The following P2RX7 variants were observed in gnomAD, a reference collection of about 807,000 sequenced individuals.
The protein encoded by P2RX7 is purinergic receptor P2X 7.
Under a neutral mutation model 71.6 loss-of-function variants are expected in P2RX7, and 62 were observed. That is an observed-to-expected ratio of 0.87 (90% CI 0.71 to 1.07). The LOEUF (loss-of-function observed/expected upper bound fraction) is 1.07, where lower values mean the gene tolerates loss of function less well. Ranked by LOEUF, P2RX7 falls within the 50% of genes least tolerant of loss-of-function variation. The pLI is 0.00. For synonymous variants in P2RX7, 299 were observed against 283.3 expected (o/e 1.06, Z -0.56); for missense variants, 686 against 748.5 (o/e 0.92, Z 0.97).
intron 7 of P2RX7, among the ~76,000 whole-genome samples, chr12:121,166,983 C>T (rs1881181091): frequency 6.7e-6 from 1 of 148,212 alleles, no homozygotes; most frequent in African/African-American, 2.5e-5. Context: ...ACCTGGGAGG[C>T]AGAGGTTGCA....
chr12:121,160,718 G>A (rs1377613265), intron 3 of P2RX7, among the ~76,000 whole-genome samples, 184 bp from the exon 4 acceptor site: 2 of 152,208 alleles, frequency 1.3e-5, no homozygotes, highest in South Asian at 2.1e-4. Context: ...GTGTATGAAT[G>A]TACCACATTT....
chr12:121,174,233 A>G (rs1882709973), intron 8 of P2RX7, among the ~76,000 whole-genome samples: 1 of 151,582 alleles, frequency 6.6e-6, no homozygotes, highest in African/African-American at 2.4e-5. Context: ...TTTTTAGTAG[A>G]GATGGGGTTT....
intron 5 of P2RX7, among the ~76,000 whole-genome samples, chr12:121,162,944 G>A (rs770229753): frequency 2.0e-5 from 3 of 151,754 alleles, no homozygotes; most frequent in Non-Finnish European, 2.9e-5. Context: ...AAGGGGAAGG[G>A]GAGGAAAAAG....
chr12:121,154,860 G>A lies in P2RX7; in HGVS notation c.201G>A (p.Gly67=), dbSNP rs186488525. ...VISSVHTKVK[G]IAEVKEEIVE... ...GTTCTGTGCACACCAAGGTGAAGGG[G>A]ATAGCAGAGGTGAAAGAGGAGATCG... The change falls in exon 2 of 13, where the codon GGG becomes GGA. Residue 67 remains glycine (G), a synonymous_variant. Transcript: ENST00000328963. This position sits in a 1 kb window ranked among gnomAD's most constrained non-coding sequence, Gnocchi z 4.2. 3 of 1,614,228 alleles carry A rather than the reference G, an allele frequency of 1.9e-6. No individual in the cohort carries two copies. The highest frequency in any genetic ancestry group is 3.3e-5 in the Admixed American group (2 of 60,030).
intron 5 of P2RX7, 95 bp downstream of exon 5, chr12:121,162,615 C>A: frequency 6.9e-7 from 1 of 1,446,154 alleles, no homozygotes; most frequent in Non-Finnish European, 9.4e-7. Flanking sequence ...CAGCACAGCC[C>A]TGCAAAGTCC....
chr12:121,167,437 G>C (rs1881313596), intron 7 of P2RX7, 51 bp from the exon 8 acceptor site: 1 of 1,602,634 alleles, frequency 6.2e-7, no homozygotes, highest in Non-Finnish European at 8.5e-7. Context: ...TCTGGCGGTT[G>C]CGTAACTCAC....
chr12:121,173,176 TTTTG>T (rs148833286), intron 8 of P2RX7, among the ~76,000 whole-genome samples: 4,901 of 150,872 alleles, frequency 0.032, 251 homozygotes, highest in African/African-American at 0.11. Context: ...TCAAAGAATA[TTTTG>T]TTTGTTTGTT....
At chr12:121,170,874 A>T (rs1020476044) in intron 8 of P2RX7, among the ~76,000 whole-genome samples, 1 of 152,224 alleles carries the variant, frequency 6.6e-6, no homozygotes, top group Non-Finnish European at 1.5e-5. Context: ...ATTACAGGTT[A>T]TACGAGGTAT....
At chr12:121,178,152 T>C (rs558470208) in intron 11 of P2RX7, among the ~76,000 whole-genome samples, 1 of 152,326 alleles carries the variant, frequency 6.6e-6, no homozygotes, top group South Asian at 2.1e-4. Context: ...CAGTTCTCCA[T>C]ACCTGCCCTA....
chr12:121,155,277 G>T lies in P2RX7; in HGVS notation c.294+324G>T, dbSNP rs375409409. 4.6e-4 allele frequency: 606 copies of T among 1,330,762 alleles called. 5 individuals are homozygous for T. The South Asian group carries it at 7.0e-3, about 15-fold the overall frequency. The allele number at this position is 1,330,762 out of a possible 1,614,324, so 82.4% of individuals were successfully genotyped here. ...CCACCAAGCCAGCAAGGTCTGCCGA[G>T]ATTCAGAAGGACAGAGAACTTTCTA... On this transcript the variant is annotated intron_variant, in intron 2 of 12. Transcript: ENST00000328963.
At chr12:121,162,153 TG>T in intron 4 of P2RX7, 1 of 1,030,454 alleles carries the variant, frequency 9.7e-7, no homozygotes, top group Non-Finnish European at 1.3e-6. Context: ...GCTCCCCTCA[TG>T]GGCACCTTTT....
intron 1 of P2RX7, among the ~76,000 whole-genome samples, chr12:121,136,017 A>ATATATATAT (rs1291059464): frequency 2.2e-4 from 4 of 18,478 alleles, no homozygotes; most frequent in Admixed American, 2.5e-3. Context: ...AAAAAAAAAA[A>ATATATATAT]AAAAAAATAT....
chr12:121,170,639 G>A (rs117606904), intron 8 of P2RX7, among the ~76,000 whole-genome samples: 10,308 of 152,210 alleles, frequency 0.068, 542 homozygotes, highest in Non-Finnish European at 0.097. Flanking sequence ...GCTGGACGTG[G>A]TGACAGGTGC....
At chr12:121,150,793 C>T (rs1877225851) in intron 1 of P2RX7, among the ~76,000 whole-genome samples, 1 of 152,170 alleles carries the variant, frequency 6.6e-6, no homozygotes, top group Non-Finnish European at 1.5e-5. Flanking sequence ...CCTGTAATCC[C>T]AGCTACTTGG....
intron 8 of P2RX7, among the ~76,000 whole-genome samples, chr12:121,173,200 G>A (rs1882511022): frequency 6.6e-6 from 1 of 152,000 alleles, no homozygotes; most frequent in Non-Finnish European, 1.5e-5. Flanking sequence ...TTGTTTGTTT[G>A]TTTGAGAGGC....
chr12:121,164,572 G>A (rs184114721), intron 5 of P2RX7, among the ~76,000 whole-genome samples: 1 of 152,254 alleles, frequency 6.6e-6, no homozygotes, highest in African/African-American at 2.4e-5. Context: ...CTTGAGGTCA[G>A]GAGTTCGATA....
chr12:121,183,797 T>C (rs1001669742), intron 12 of P2RX7, among the ~76,000 whole-genome samples: 1 of 152,000 alleles, frequency 6.6e-6, no homozygotes, highest in Non-Finnish European at 1.5e-5. Context: ...GTGCAGTGGC[T>C]CATGCCTGTA....
chr12:121,177,025 A>C, intron 9 of P2RX7, 122 bp from the exon 10 acceptor site: 2 of 783,686 alleles, frequency 2.6e-6, no homozygotes, highest in Admixed American at 4.3e-5. Context: ...CCAGCACTTG[A>C]ACGCATCTAT....
chr12:121,155,365 C>T (rs138186189), intron 2 of P2RX7: 2 of 1,294,574 alleles, frequency 1.5e-6, no homozygotes, highest in Non-Finnish European at 2.0e-6. Flanking sequence ...CTCCAGGAGA[C>T]CATTCTTGGG....
Sources: allele counts gnomAD v4.1 joint callset (sites outside exome capture counted in the v4.1 genomes callset), GRCh38; gene constraint gnomAD v4.1.1; non-coding constraint Gnocchi (gnomAD v3.1); transcripts MANE v1.5; gene names NCBI Gene and HGNC (gene_info 2026-07-23, HGNC 2026-07-21).